HP1BP3: variants seen among roughly 807,000 people sequenced by gnomAD.
The protein encoded by HP1BP3 is heterochromatin protein 1-binding protein 3.
Under a neutral mutation model 62.5 loss-of-function variants are expected in HP1BP3, and 12 were observed. That is an observed-to-expected ratio of 0.19 (90% CI 0.12 to 0.31). HP1BP3 has a LOEUF of 0.31. Ranked by LOEUF, HP1BP3 falls within the 10% of genes least tolerant of loss-of-function variation. The pLI, the probability that HP1BP3 is intolerant of heterozygous loss-of-function variation, is 1.00. For missense variants in HP1BP3, 502 were observed against 651.8 expected, an observed-to-expected ratio of 0.77 and a Z score of 2.50; for synonymous variants, 260 against 237.8, an observed-to-expected ratio of 1.09 and a Z score of -0.86.
At chr1:20,769,859 T>A (rs1355830254) in intron 6 of HP1BP3, among the ~76,000 whole-genome samples, 2 of 152,206 alleles carry the variant, frequency 1.3e-5, no homozygotes, top group African/African-American at 4.8e-5. Context: ...TAAGTACTAG[T>A]TGGAAGTCCC....
At chr1:20,770,573 C>T (rs1042123897) in intron 6 of HP1BP3, among the ~76,000 whole-genome samples, 2 of 152,130 alleles carry the variant, frequency 1.3e-5, no homozygotes, top group Admixed American at 6.5e-5. Flanking sequence ...ACTAAGCCTC[C>T]CAAGGTGCTG....
chr1:20,764,856 CAA>C (rs1213373286), intron 8 of HP1BP3, among the ~76,000 whole-genome samples: 1 of 150,814 alleles, frequency 6.6e-6, no homozygotes, highest in Non-Finnish European at 1.5e-5. Context: ...GCCTGGGTAA[CAA>C]GAGCAAGACT....
chr1:20,752,823 G>A (rs1456310661), intron 9 of HP1BP3, among the ~76,000 whole-genome samples: 1 of 152,184 alleles, frequency 6.6e-6, no homozygotes, highest in Non-Finnish European at 1.5e-5. Context: ...TATTTTATGG[G>A]ATGAAACAGG....
At chr1:20,780,133 TA>T (rs1463620604) in intron 2 of HP1BP3, among the ~76,000 whole-genome samples, 1 of 152,204 alleles carries the variant, frequency 6.6e-6, no homozygotes, top group East Asian at 1.9e-4. Flanking sequence ...TGGAAACACA[TA>T]ATTATAGTTG....
At chr1:20,769,432 C>A (rs1377145463) in intron 6 of HP1BP3, among the ~76,000 whole-genome samples, 1 of 151,932 alleles carries the variant, frequency 6.6e-6, no homozygotes, top group Non-Finnish European at 1.5e-5. Flanking sequence ...CTGGTGCACA[C>A]CTATAGTCCC....
At chr1:20,754,699 A>G (rs1019051130) in intron 9 of HP1BP3, among the ~76,000 whole-genome samples, 1 of 152,224 alleles carries the variant, frequency 6.6e-6, no homozygotes, top group Admixed American at 6.5e-5. Context: ...ATTGATTTTC[A>G]TAAGATGCTA....
chr1:20,753,232 G>A (rs937129048), intron 9 of HP1BP3, among the ~76,000 whole-genome samples: 2 of 152,082 alleles, frequency 1.3e-5, no homozygotes, highest in Admixed American at 6.6e-5. Flanking sequence ...ATGAGCCACC[G>A]CGCCTGACCT....
chr1:20,766,333 T>G (rs2056781840), intron 7 of HP1BP3, among the ~76,000 whole-genome samples: 4 of 151,294 alleles, frequency 2.6e-5, no homozygotes, highest in Admixed American at 2.6e-4. Context: ...TAAAAAGGAG[T>G]GTAGATTTTA....
intron 6 of HP1BP3, among the ~76,000 whole-genome samples, chr1:20,767,947 C>A (rs745588529): frequency 1.4e-4 from 21 of 152,218 alleles, no homozygotes; most frequent in South Asian, 4.1e-4. Flanking sequence ...CCACGTTAAA[C>A]AGTTTATTAA....
At position 20,741,073 on chromosome 1, in the gene HP1BP3, C is replaced by G. The variant is rs1292351801; in HGVS notation, c.*3724G>C. Among the ~76,000 whole-genome samples the G allele has an allele frequency of 6.6e-6, 1 of 152,166 alleles. No homozygotes were observed. The highest frequency in any genetic ancestry group is 1.5e-5 in the Non-Finnish European group (1 of 68,034). On this transcript the variant is annotated 3_prime_UTR_variant, in exon 13 of 13. Coordinates refer to ENST00000438032, the MANE Select transcript of HP1BP3 (RefSeq NM_001372052.1). Reference sequence around the variant, plus strand: ...TGCTAGAAAGTAATGTCAACCAGAACCTCTGGGGAAACAGTTTAATGGTCT... The same window carrying G: ...TGCTAGAAAGTAATGTCAACCAGAAGCTCTGGGGAAACAGTTTAATGGTCT...
chr1:20,763,256 T>C (rs1343732473), intron 8 of HP1BP3, among the ~76,000 whole-genome samples: 2 of 152,358 alleles, frequency 1.3e-5, no homozygotes, highest in East Asian at 3.9e-4. Context: ...TAAAGAATAG[T>C]GAAATATGTT....
intron 1 of HP1BP3, 135 bp downstream of exon 1, chr1:20,787,060 C>G (rs1333437412): frequency 6.6e-6 from 1 of 151,862 alleles, no homozygotes; most frequent in Non-Finnish European, 1.5e-5. Context: ...GGCGCCACCT[C>G]CGGGGACCCG....
chr1:20,769,220 G>A (rs2056937425), intron 6 of HP1BP3, among the ~76,000 whole-genome samples: 1 of 152,170 alleles, frequency 6.6e-6, no homozygotes, highest in Non-Finnish European at 1.5e-5. Flanking sequence ...AGCCTCATGA[G>A]TTGGGACTAG....
chr1:20,744,688 G>C lies in HP1BP3; in HGVS notation c.*109C>G, dbSNP rs1244060834. 6 of 1,062,330 alleles carry C rather than the reference G, an allele frequency of 5.6e-6. No homozygotes were observed. The highest frequency in any genetic ancestry group is 8.1e-6 in the Non-Finnish European group (6 of 741,882). 65.8% of individuals were successfully genotyped at this position (1,062,330 alleles called of 1,614,324 possible). On this transcript the variant is annotated 3_prime_UTR_variant, in exon 13 of 13. Transcript: ENST00000438032. The stretch of plus-strand genomic sequence containing the variant: ...AGAGTCCCTCCCCACAATGTTCATA[G>C]GGGAGGAAAATAATGTAATTTGAAA...
chr1:20,749,462 G>C (rs1437465791), intron 10 of HP1BP3, among the ~76,000 whole-genome samples: 1 of 151,034 alleles, frequency 6.6e-6, no homozygotes, highest in African/African-American at 2.4e-5. Context: ...GGGTTCATGC[G>C]TTTCTCCTGC....
chr1:20,782,594 AT>A (rs201012656), intron 1 of HP1BP3, among the ~76,000 whole-genome samples: 219 of 149,908 alleles, frequency 1.5e-3, no homozygotes, highest in African/African-American at 4.5e-3. Context: ...AGAAAAAAAA[AT>A]AATAATTTAA....
intron 10 of HP1BP3, among the ~76,000 whole-genome samples, chr1:20,749,264 A>C (rs187242159): frequency 4.5e-4 from 69 of 152,200 alleles, no homozygotes; most frequent in Non-Finnish European, 7.5e-4. Context: ...TTTTGTAAAT[A>C]TGAAATTTGT....
In HP1BP3 at chr1:20,744,818, C is replaced by G; in HGVS notation, c.1641G>C (p.Lys547Asn). The G allele has an allele frequency of 1.2e-6, 2 of 1,608,570 alleles. No individual in the cohort carries two copies. Among genetic ancestry groups the G allele is most frequent in the South Asian group, 2.2e-5 (2 of 89,590 alleles). The change falls in exon 13 of 13, where the codon AAG becomes AAC. Residue 547 changes from lysine to asparagine, a missense_variant. Coordinates refer to ENST00000438032, the MANE Select transcript of HP1BP3 (RefSeq NM_001372052.1). ...AAATTTACTTTTTCACTCTGAAAGA[C>G]TTCTTCATGGTGGATTTGCCCTTGC... ...LPGKGKSTMK[K>N]SFRVKK
chr1:20,774,702 T>G (rs138820872), intron 4 of HP1BP3: 1 of 151,848 alleles, frequency 6.6e-6, no homozygotes, highest in Non-Finnish European at 1.5e-5. Context: ...TATAGCATAT[T>G]GGCTGGGCGC....
Sources: gnomAD v4.1 joint callset for allele counts (sites outside exome capture counted in the v4.1 genomes callset) on GRCh38, gnomAD v4.1.1 for gene constraint, MANE v1.5 for transcripts, NCBI Gene and HGNC (gene_info 2026-07-23, HGNC 2026-07-21) for gene names.